The following LCORL variants were observed in gnomAD, a reference collection of about 807,000 sequenced individuals.
LCORL encodes ligand-dependent nuclear receptor corepressor-like protein.
LCORL carries 41 observed loss-of-function variants against 141.8 expected under a neutral mutation model. The observed-to-expected ratio is 0.29, with a 90% confidence interval of 0.23 to 0.38. The LOEUF is 0.38. LCORL is among the 10% of genes least tolerant of loss of function. LCORL has a pLI of 1.00. For missense variants in LCORL, 1,759 were observed against 2,035.0 expected (o/e 0.86, Z 2.61); for synonymous variants, 618 against 694.1 (o/e 0.89, Z 1.72).
intron 6 of LCORL, chr4:17,880,474 A>G (rs1423060320): frequency 1.1e-6 from 1 of 938,530 alleles, no homozygotes; most frequent in African/African-American, 1.8e-5. Flanking sequence ...GCCTATTTTT[A>G]GTATGTTACT....
intron 5 of LCORL, 52 bp downstream of exon 5, chr4:17,909,042 T>C: frequency 6.9e-7 from 1 of 1,449,836 alleles, no homozygotes; most frequent in Non-Finnish European, 9.3e-7. Context: ...AAATATACAT[T>C]TAACGATATA....
At chr4:17,843,600 T>C (rs1722641276) in exon 8 of LCORL, 3 of 570,952 alleles carry the variant, frequency 5.3e-6, no homozygotes, top group East Asian at 3.2e-5. Flanking sequence ...TCAGTTATTA[T>C]AGTCCAGAAA....
At chr4:17,842,269 A>T in exon 8 of LCORL, 1 of 1,569,618 alleles carries the variant, frequency 6.4e-7, no homozygotes, top group South Asian at 1.1e-5. Flanking sequence ...ACAAAAAGCA[A>T]CTGATAATAA....
chr4:17,938,208 T>A (rs1303079741), intron 4 of LCORL, among the ~76,000 whole-genome samples: 1 of 151,610 alleles, frequency 6.6e-6, no homozygotes, highest in Non-Finnish European at 1.5e-5. Context: ...GGTTTCTCCA[T>A]GTTGGTCAGG....
At chr4:18,012,172 T>C (rs1723912847) in intron 1 of LCORL, among the ~76,000 whole-genome samples, 1 of 152,224 alleles carries the variant, frequency 6.6e-6, no homozygotes, top group Non-Finnish European at 1.5e-5. Context: ...ATAACTAATA[T>C]TGGCAACATC....
At chr4:17,863,132 A>C (rs1220299317) in intron 7 of LCORL, among the ~76,000 whole-genome samples, 1 of 152,200 alleles carries the variant, frequency 6.6e-6, no homozygotes, top group Non-Finnish European at 1.5e-5. Context: ...CCCGGTCAAC[A>C]TGGTGAAAAC....
At chr4:17,843,983 T>C (rs1188128249) in exon 8 of LCORL, 4 of 152,008 alleles carry the variant, frequency 2.6e-5, no homozygotes, top group African/African-American at 9.7e-5. Flanking sequence ...GAAAACATTT[T>C]TGGTGATATC....
intron 7 of LCORL, among the ~76,000 whole-genome samples, chr4:17,866,475 C>T (rs1448702010): frequency 6.6e-6 from 1 of 152,124 alleles, no homozygotes; most frequent in Non-Finnish European, 1.5e-5. Context: ...AGAAGACAAA[C>T]ACTTTTGAAT....
At chr4:17,875,698 T>C (rs1726848695) in exon 7 of LCORL, 1 of 1,231,296 alleles carries the variant, frequency 8.1e-7, no homozygotes, top group African/African-American at 1.6e-5. Flanking sequence ...TTTGGTGGTC[T>C]TCCAATTGGT....
chr4:17,869,028 A>T (rs1726017027), intron 7 of LCORL, among the ~76,000 whole-genome samples: 1 of 148,594 alleles, frequency 6.7e-6, no homozygotes. Context: ...GCCTTCCCAC[A>T]TATTGTTCCC....
At chr4:17,885,633 GCCA>G (rs1280138299) in intron 6 of LCORL, among the ~76,000 whole-genome samples, 2 of 151,754 alleles carry the variant, frequency 1.3e-5, no homozygotes, top group African/African-American at 4.8e-5. Context: ...TAAGTAGTTT[GCCA>G]CCACATCTAA....
intron 4 of LCORL, among the ~76,000 whole-genome samples, chr4:17,960,527 C>T (rs1713568576): frequency 6.6e-6 from 1 of 152,112 alleles, no homozygotes; most frequent in Non-Finnish European, 1.5e-5. Flanking sequence ...TTCCAGTTCT[C>T]TTAGTGATAC....
At chr4:18,007,117 T>C (rs1381469212) in intron 1 of LCORL, among the ~76,000 whole-genome samples, 1 of 152,210 alleles carries the variant, frequency 6.6e-6, no homozygotes, top group East Asian at 1.9e-4. Flanking sequence ...ATATTCTCCA[T>C]ACTAGCAGAG....
intron 1 of LCORL, among the ~76,000 whole-genome samples, chr4:17,977,970 T>C (rs144478623): frequency 2.0e-3 from 305 of 152,328 alleles, no homozygotes; most frequent in African/African-American, 6.8e-3. Flanking sequence ...TTGGTATCTA[T>C]TTGATGCAGC....
intron 2 of LCORL, among the ~76,000 whole-genome samples, chr4:17,969,446 T>C (rs1317115263): frequency 1.3e-5 from 2 of 152,204 alleles, no homozygotes; most frequent in Admixed American, 1.3e-4. Context: ...CACTAGCGTG[T>C]AAGATAAAAA....
exon 8 of LCORL, chr4:17,842,792 G>T (rs1722544498): frequency 5.9e-6 from 1 of 168,582 alleles, no homozygotes; most frequent in Non-Finnish European, 1.3e-5. Context: ...TCAAGCCACT[G>T]TTAGAGCTGA....
chr4:17,908,703 T>C (rs1005634914), intron 5 of LCORL, among the ~76,000 whole-genome samples: 33 of 152,162 alleles, frequency 2.2e-4, no homozygotes, highest in African/African-American at 7.5e-4. Flanking sequence ...TATAAACAAC[T>C]GGAAGATAAA....
exon 8 of LCORL, chr4:17,844,084 T>TATTA (rs1401821547): frequency 2.6e-5 from 4 of 151,968 alleles, no homozygotes; most frequent in African/African-American, 7.2e-5. Context: ...AACATAAATG[T>TATTA]ATTATTAACC....
At chr4:17,926,556 T>C (rs1198307453) in intron 4 of LCORL, among the ~76,000 whole-genome samples, 2 of 152,332 alleles carry the variant, frequency 1.3e-5, no homozygotes, top group African/African-American at 4.8e-5. Flanking sequence ...TCCCTAACTT[T>C]TGAGGTTCTG....
Sources: gnomAD v4.1 joint callset for allele counts (sites outside exome capture counted in the v4.1 genomes callset) on GRCh38, gnomAD v4.1.1 for gene constraint, MANE v1.5 for transcripts, NCBI Gene and HGNC (gene_info 2026-07-23, HGNC 2026-07-21) for gene names.